Variants in RERE observed in about 807,000 individuals in gnomAD.
RERE encodes arginine-glutamic acid dipeptide repeats protein.
In RERE, 40 loss-of-function variants were observed where a neutral mutation model predicts 146.1. That is an observed-to-expected ratio of 0.27 (90% confidence interval 0.21 to 0.36). The LOEUF is 0.36. Among genes scored for constraint, RERE ranks in the 10% least tolerant of loss-of-function variants. The probability of loss-of-function intolerance (pLI) is 1.00; values close to 1 mark genes in which losing one functional copy is unlikely to be tolerated. For synonymous variants in RERE, 1,003 were observed against 866.0 expected, an observed-to-expected ratio of 1.16 and a Z score of -2.78; for missense variants, 1,933 against 2,138.7, an observed-to-expected ratio of 0.90 and a Z score of 1.90.
intron 1 of RERE, among the ~76,000 whole-genome samples, chr1:8,711,316 A>G (rs932101344): frequency 2.0e-5 from 3 of 152,166 alleles, no homozygotes; most frequent in Admixed American, 6.5e-5. Flanking sequence ...ATCACAGCAA[A>G]CTGTTATGAC....
At position 8,724,531 on chromosome 1, in the gene RERE, C is replaced by T. The variant is rs747462756; in HGVS notation, c.-144-68090G>A. On this transcript the variant is annotated intron_variant, in intron 1 of 22. Transcript: ENST00000400908. The stretch of plus-strand genomic sequence containing the variant: ...CTCAAAGATTTAGTTACTTTCTCTA[C>T]ATATTACACAGCTGCTTTAAAATTT... Among the ~76,000 whole-genome samples, 144 of 152,166 alleles carry T rather than the reference C, an allele frequency of 9.5e-4. 1 individual carries two copies. Among genetic ancestry groups the T allele is most frequent in the Non-Finnish European group, 3.7e-4 (25 of 68,024 alleles).
intron 12 of RERE, among the ~76,000 whole-genome samples, chr1:8,418,244 T>C (rs1643831948): frequency 6.6e-6 from 1 of 152,162 alleles, no homozygotes; most frequent in African/African-American, 2.4e-5. Flanking sequence ...TGAAAATGAG[T>C]TTCCAGTGTA....
chr1:8,780,027 C>CA (rs1641137357), intron 1 of RERE, among the ~76,000 whole-genome samples: 1 of 151,880 alleles, frequency 6.6e-6, no homozygotes, highest in African/African-American at 2.4e-5. Flanking sequence ...CCCATCTCCA[C>CA]AAAAAAATAC....
intron 2 of RERE, among the ~76,000 whole-genome samples, chr1:8,625,481 C>A (rs1471791556): frequency 1.3e-5 from 2 of 152,128 alleles, no homozygotes; most frequent in Non-Finnish European, 2.9e-5. Flanking sequence ...TTCATTCATT[C>A]ATTTTGCATA....
At chr1:8,399,534 C>T (rs1303438987) in intron 12 of RERE, among the ~76,000 whole-genome samples, 2 of 152,140 alleles carry the variant, frequency 1.3e-5, no homozygotes, top group African/African-American at 4.8e-5. Flanking sequence ...ATTACTCTAA[C>T]TTTACAAGTC....
intron 8 of RERE, among the ~76,000 whole-genome samples, chr1:8,506,319 C>CTT (rs977290089): frequency 2.0e-5 from 3 of 152,232 alleles, no homozygotes; most frequent in Non-Finnish European, 4.4e-5. Flanking sequence ...CCTGCAGCTT[C>CTT]TTTCAGTCTG....
chr1:8,564,870 G>GTGTGTGTGTGTA lies in RERE; in HGVS notation c.523-7348_523-7347insTACACACACACA, dbSNP rs1269710840. Among the ~76,000 whole-genome samples the GTGTGTGTGTGTA allele has an allele frequency of 7.7e-3, 974 of 127,292 alleles. 8 individuals carry two copies. The highest frequency in any genetic ancestry group is 0.012 in the Non-Finnish European group (713 of 61,348). 83.5% of individuals were successfully genotyped at this position (127,292 alleles called of 152,430 possible). A position where few individuals can be genotyped will look rare whatever the true frequency, so the allele number is the denominator to read the frequency against. On this transcript the variant is annotated intron_variant, in intron 4 of 22. Coordinates refer to ENST00000400908, the MANE Select transcript of RERE (RefSeq NM_001042681.2). ...TGTGTGTGTGTGTGTGTGTGTGTGT[G>GTGTGTGTGTGTA]TATATATATATATAAAACTACTATT...
intron 7 of RERE, 47 bp downstream of exon 7, chr1:8,541,167 G>T: frequency 9.5e-7 from 1 of 1,051,190 alleles, no homozygotes; most frequent in Non-Finnish European, 1.5e-6. Context: ...ACACAAATGA[G>T]AAAAGGAAAA....
intron 1 of RERE, among the ~76,000 whole-genome samples, chr1:8,773,731 G>A (rs1165390498): frequency 6.6e-6 from 1 of 152,152 alleles, no homozygotes; most frequent in Non-Finnish European, 1.5e-5. Flanking sequence ...GGCTGAGGCA[G>A]GAGAATCGCT....
In RERE at chr1:8,366,924, A is replaced by C. The variant is rs1481555594; in HGVS notation, c.1285-950T>G. Among the ~76,000 whole-genome samples the C allele has an allele frequency of 4.2e-4, 63 of 149,638 alleles. 2 individuals are homozygous for C. The Middle Eastern group carries it at 0.01, about 24-fold the overall frequency. On this transcript the variant is annotated intron_variant, in intron 12 of 22. Transcript: ENST00000400908. ...GAACTGAAAAAAAAAAACAAAAAAAAAAAACAAAAAAAAAAAACCCAAAAA... is the reference window on the plus strand; with the variant it reads ...GAACTGAAAAAAAAAAACAAAAAAACAAAACAAAAAAAAAAAACCCAAAAA...
chr1:8,691,399 T>C (rs1393081688), intron 1 of RERE, among the ~76,000 whole-genome samples: 1 of 152,098 alleles, frequency 6.6e-6, no homozygotes, highest in Non-Finnish European at 1.5e-5. Context: ...TTATAAACCA[T>C]TCAGTACACA....
intron 4 of RERE, among the ~76,000 whole-genome samples, chr1:8,569,617 C>T (rs551838967): frequency 6.6e-6 from 1 of 152,316 alleles, no homozygotes; most frequent in South Asian, 2.1e-4. Context: ...TGAGGTTGGG[C>T]ACAGTGGCTC....
intron 1 of RERE, among the ~76,000 whole-genome samples, chr1:8,712,346 G>A (rs1407379660): frequency 6.6e-6 from 1 of 152,206 alleles, no homozygotes; most frequent in Non-Finnish European, 1.5e-5. Context: ...TACAAAGGAA[G>A]GCATGGGCTA....
At chr1:8,478,755 C>A (rs1471377369) in intron 10 of RERE, among the ~76,000 whole-genome samples, 1 of 152,164 alleles carries the variant, frequency 6.6e-6, no homozygotes, top group Non-Finnish European at 1.5e-5. Context: ...CAAAGACCAA[C>A]CTTAAAACAA....
intron 10 of RERE, among the ~76,000 whole-genome samples, chr1:8,474,543 T>G (rs1341183045): frequency 1.3e-5 from 2 of 152,232 alleles, no homozygotes; most frequent in Non-Finnish European, 2.9e-5. Context: ...TTCTGGCTTC[T>G]CATCTTAGCT....
intron 2 of RERE, among the ~76,000 whole-genome samples, chr1:8,651,621 G>C (rs1159325832): frequency 2.6e-5 from 4 of 151,918 alleles, no homozygotes; most frequent in Non-Finnish European, 5.9e-5. Flanking sequence ...AGCACTTTGG[G>C]AAGCCAAGGC....
At chr1:8,427,958 T>C (rs17032556) in intron 11 of RERE, among the ~76,000 whole-genome samples, 1 of 152,206 alleles carries the variant, frequency 6.6e-6, no homozygotes, top group Admixed American at 6.5e-5. Flanking sequence ...TATTGACTTA[T>C]AAATCAACAG....
At chr1:8,512,349 C>G (rs940458145) in intron 7 of RERE, among the ~76,000 whole-genome samples, 5 of 152,020 alleles carry the variant, frequency 3.3e-5, no homozygotes, top group Non-Finnish European at 1.5e-5. Context: ...CACTCTTAAT[C>G]ATCAATTGCA....
intron 11 of RERE, among the ~76,000 whole-genome samples, chr1:8,450,871 A>G (rs1041894399): frequency 5.3e-5 from 8 of 152,152 alleles, no homozygotes; most frequent in African/African-American, 1.9e-4. Context: ...ACTCTCAGGA[A>G]CGTGGAAAAG....
Sources: gnomAD v4.1 joint callset for allele counts (sites outside exome capture counted in the v4.1 genomes callset) on GRCh38, gnomAD v4.1.1 for gene constraint, MANE v1.5 for transcripts, NCBI Gene and HGNC (gene_info 2026-07-23, HGNC 2026-07-21) for gene names.